Variants in FHOD3 observed in about 807,000 individuals in gnomAD.
FHOD3 encodes formin homology 2 domain containing 3, also known as FH1/FH2 domain-containing protein 3.
A neutral mutation model predicts 173.0 loss-of-function variants in FHOD3; 90 were observed. The ratio of observed to expected loss-of-function variants is 0.52; its 90% CI spans 0.44 to 0.62. FHOD3 has a LOEUF of 0.62. Ranked by LOEUF, FHOD3 falls within the 20% of genes least tolerant of loss-of-function variation. The probability of loss-of-function intolerance (pLI) is 0.00; values close to 1 mark genes in which losing one functional copy is unlikely to be tolerated. For synonymous variants in FHOD3, 828 were observed against 823.0 expected (o/e 1.01, Z -0.10); for missense variants, 1,945 against 2,034.7 (o/e 0.96, Z 0.85).
chr18:36,327,088 C>T (rs1598725329), intron 1 of FHOD3, among the ~76,000 whole-genome samples: 1 of 152,174 alleles, frequency 6.6e-6, no homozygotes, highest in African/African-American at 2.4e-5. Flanking sequence ...GGGAGATTTT[C>T]CTGCTAATTT....
chr18:36,440,858 C>T (rs2051103726), intron 3 of FHOD3, among the ~76,000 whole-genome samples: 1 of 152,132 alleles, frequency 6.6e-6, no homozygotes, highest in African/African-American at 2.4e-5. Context: ...CTTGGCCCAT[C>T]TCTATTTTTT....
intron 6 of FHOD3, among the ~76,000 whole-genome samples, chr18:36,580,386 G>T (rs1018876441): frequency 6.6e-6 from 1 of 152,182 alleles, no homozygotes; most frequent in African/African-American, 2.4e-5. Flanking sequence ...GCACTGTGCT[G>T]GTCATAATGA....
intron 10 of FHOD3, among the ~76,000 whole-genome samples, chr18:36,644,049 C>T (rs1028624011): frequency 5.3e-5 from 8 of 152,126 alleles, no homozygotes; most frequent in African/African-American, 1.9e-4. Flanking sequence ...AAACTACGCC[C>T]CAAAGAACTG....
intron 9 of FHOD3, among the ~76,000 whole-genome samples, chr18:36,620,372 A>T (rs2033607021): frequency 6.6e-6 from 1 of 152,038 alleles, no homozygotes; most frequent in Admixed American, 6.6e-5. Flanking sequence ...TGCTGCAGTC[A>T]CTTCAGATGT....
chr18:36,499,347 G>T (rs552912146), intron 3 of FHOD3, among the ~76,000 whole-genome samples: 3 of 152,018 alleles, frequency 2.0e-5, no homozygotes, highest in Non-Finnish European at 4.4e-5. Context: ...CAAGTGATCC[G>T]CCTGCCTCGG....
chr18:36,618,062 A>G (rs907093220), intron 9 of FHOD3, among the ~76,000 whole-genome samples: 1 of 150,702 alleles, frequency 6.6e-6, no homozygotes, highest in African/African-American at 2.4e-5. Flanking sequence ...TTCCCTCCAG[A>G]TTAACTAATG....
At position 36,297,826 on chromosome 18, in the gene FHOD3, G is replaced by A; in HGVS notation, c.-10G>A. 6.6e-7 allele frequency: 1 copy of A among 1,510,896 alleles called. No individual in the cohort carries two copies. The highest frequency in any genetic ancestry group is 8.9e-7 in the Non-Finnish European group (1 of 1,128,848). The allele number at this position is 1,510,896 out of a possible 1,614,324, so 93.6% of individuals were successfully genotyped here. A position where few individuals can be genotyped will look rare whatever the true frequency, so the allele number is the denominator to read the frequency against. On this transcript the variant is annotated 5_prime_UTR_variant, in exon 1 of 29. Coordinates refer to ENST00000590592, the MANE Select transcript of FHOD3 (RefSeq NM_001281740.3). ...CCCCGGGGCCCGCGCCCCCGCGGCAGGGATGCATCATGGCCACGCTGGCTT... is the reference window on the plus strand; with the variant it reads ...CCCCGGGGCCCGCGCCCCCGCGGCAAGGATGCATCATGGCCACGCTGGCTT...
chr18:36,672,719 T>C (rs1476767809), intron 14 of FHOD3, among the ~76,000 whole-genome samples: 1 of 152,222 alleles, frequency 6.6e-6, no homozygotes, highest in Non-Finnish European at 1.5e-5. Flanking sequence ...ATATTCTGTG[T>C]CTATTTTTAT....
At chr18:36,484,891 G>A (rs1456870478) in intron 3 of FHOD3, among the ~76,000 whole-genome samples, 4 of 152,180 alleles carry the variant, frequency 2.6e-5, no homozygotes, top group Non-Finnish European at 4.4e-5. Flanking sequence ...GCACTGTCCC[G>A]GCTGGCTTCC....
chr18:36,736,380 C>A (rs187714585), intron 20 of FHOD3, among the ~76,000 whole-genome samples: 6 of 152,308 alleles, frequency 3.9e-5, no homozygotes, highest in Admixed American at 3.9e-4. Context: ...AGTGTGACAG[C>A]CTTTAGCGCC....
chr18:36,718,214 G>A lies in FHOD3; in HGVS notation c.2916G>A (p.Pro972=), dbSNP rs369638305. The stretch of plus-strand genomic sequence containing the variant: ...TCCCAGAAACAGCGCCGGTGCAGCC[G>A]AAGACAGAGTCTGATTACATCTGGG... The part of the protein sequence containing the change: ...DKVPETAPVQ[P]KTESDYIWDQ... The change falls in exon 19 of 29, where the codon CCG becomes CCA. Residue 972 remains proline, a synonymous_variant. Coordinates refer to ENST00000590592, the MANE Select transcript of FHOD3 (RefSeq NM_001281740.3). 9.6e-5 allele frequency: 155 copies of A among 1,614,118 alleles called. No individual in the cohort carries two copies. Among genetic ancestry groups the A allele is most frequent in the African/African-American group, 1.6e-4 (12 of 75,030 alleles).
intron 1 of FHOD3, among the ~76,000 whole-genome samples, chr18:36,330,541 G>C (rs2044934092): frequency 6.6e-6 from 1 of 152,136 alleles, no homozygotes; most frequent in African/African-American, 2.4e-5. Flanking sequence ...TTGCCGGAAT[G>C]GGTAGCTCCT....
chr18:36,568,184 AT>A (rs66539815), intron 5 of FHOD3, among the ~76,000 whole-genome samples: 68,616 of 114,518 alleles, frequency 0.6, 18,220 homozygotes, highest in Non-Finnish European at 0.63. Flanking sequence ...AAAAAAAAAA[AT>A]AAATTAGCCA....
intron 25 of FHOD3, among the ~76,000 whole-genome samples, chr18:36,757,380 A>T (rs1473399170): frequency 6.6e-6 from 1 of 152,180 alleles, no homozygotes; most frequent in Non-Finnish European, 1.5e-5. Context: ...CTCAATTATT[A>T]AGGGCTCATT....
intron 3 of FHOD3, among the ~76,000 whole-genome samples, chr18:36,477,341 G>A (rs2053626875): frequency 6.6e-6 from 1 of 152,152 alleles, no homozygotes; most frequent in East Asian, 1.9e-4. Flanking sequence ...TTAGGGATTA[G>A]CTTGGTATTG....
At chr18:36,760,927 C>T (rs1274643136) in intron 27 of FHOD3, 145 bp downstream of exon 27, 4 of 792,806 alleles carry the variant, frequency 5.0e-6, no homozygotes, top group African/African-American at 3.5e-5. Context: ...CCCTCACTAG[C>T]GTCTTCCTGA....
At chr18:36,490,724 T>C (rs2054424539) in intron 3 of FHOD3, among the ~76,000 whole-genome samples, 1 of 152,190 alleles carries the variant, frequency 6.6e-6, no homozygotes, top group Non-Finnish European at 1.5e-5. Flanking sequence ...TGAAAACTAG[T>C]GCTCTGCCCC....
At chr18:36,613,734 C>T (rs948939932) in intron 9 of FHOD3, among the ~76,000 whole-genome samples, 8 of 152,082 alleles carry the variant, frequency 5.3e-5, no homozygotes, top group East Asian at 1.9e-4. Flanking sequence ...AGTGTGGTGG[C>T]GCGATCTCGG....
chr18:36,767,558 G>A (rs765619222), intron 27 of FHOD3, among the ~76,000 whole-genome samples: 7 of 152,200 alleles, frequency 4.6e-5, no homozygotes, highest in African/African-American at 1.7e-4. Context: ...GACCTCAAGC[G>A]ATCTGCCCGC....
Sources: allele counts gnomAD v4.1 joint callset (sites outside exome capture counted in the v4.1 genomes callset), GRCh38; gene constraint gnomAD v4.1.1; transcripts MANE v1.5; gene names NCBI Gene and HGNC (gene_info 2026-07-23, HGNC 2026-07-21).